GREB1L: variants seen among roughly 807,000 people sequenced by gnomAD.
GREB1L encodes GREB1 like retinoic acid receptor coactivator.
GREB1L carries 17 observed loss-of-function variants against 200.8 expected under a neutral mutation model. The ratio of observed to expected loss-of-function variants is 0.08; its 90% CI spans 0.06 to 0.13. GREB1L has a LOEUF of 0.13. GREB1L is among the 10% of genes least tolerant of loss of function. The pLI is 1.00. For synonymous variants in GREB1L, 789 were observed against 893.0 expected (o/e 0.88, Z 2.08); for missense variants, 1,657 against 2,367.7 (o/e 0.70, Z 6.23).
intron 17 of GREB1L, 88 bp from the exon 18 acceptor site, chr18:21,485,532 G>A: frequency 1.7e-6 from 2 of 1,201,394 alleles, no homozygotes; most frequent in Non-Finnish European, 2.3e-6. Context: ...ACCTCTTACA[G>A]CGGTCATTTC....
At chr18:21,297,896 C>A (rs2038555648) in intron 1 of GREB1L, among the ~76,000 whole-genome samples, 1 of 151,836 alleles carries the variant, frequency 6.6e-6, no homozygotes, top group South Asian at 2.1e-4. Context: ...CCCCCTAGTT[C>A]TTGGTGGGTG....
At chr18:21,435,246 C>CTCTG (rs2033461442) in intron 7 of GREB1L, among the ~76,000 whole-genome samples, 1 of 152,202 alleles carries the variant, frequency 6.6e-6, no homozygotes, top group Admixed American at 6.5e-5. Flanking sequence ...GCTTTATGTT[C>CTCTG]TCTGCCTTCC....
At chr18:21,498,477 G>C (rs529878192) in intron 21 of GREB1L, among the ~76,000 whole-genome samples, 16 of 152,212 alleles carry the variant, frequency 1.1e-4, no homozygotes, top group South Asian at 4.1e-4. Context: ...TTCACAGAAG[G>C]GGGGTGGGGG....
intron 1 of GREB1L, among the ~76,000 whole-genome samples, chr18:21,315,945 C>T (rs2038861343): frequency 6.6e-6 from 1 of 152,134 alleles, no homozygotes; most frequent in Non-Finnish European, 1.5e-5. Flanking sequence ...TGACCCGACC[C>T]TCCCCCCTGT....
chr18:21,390,360 C>A (rs1463256528), intron 4 of GREB1L, among the ~76,000 whole-genome samples: 1 of 151,802 alleles, frequency 6.6e-6, no homozygotes, highest in Non-Finnish European at 1.5e-5. Flanking sequence ...CAGAAGATGG[C>A]ATTATTATCA....
chr18:21,472,936 C>G, intron 15 of GREB1L, 95 bp from the exon 16 acceptor site: 1 of 770,254 alleles, frequency 1.3e-6, no homozygotes, highest in Non-Finnish European at 2.0e-6. Flanking sequence ...ACAGTTGGTA[C>G]CCAGTGTCAG....
intron 2 of GREB1L, among the ~76,000 whole-genome samples, chr18:21,381,232 A>G (rs1002842743): frequency 2.0e-5 from 3 of 150,832 alleles, no homozygotes; most frequent in Non-Finnish European, 4.4e-5. Flanking sequence ...ACAGAGCGAG[A>G]CTCCGTCTCA....
intron 12 of GREB1L, 106 bp downstream of exon 12, chr18:21,449,942 A>C (rs2034439053): frequency 1.1e-6 from 1 of 872,320 alleles, no homozygotes; most frequent in African/African-American, 1.7e-5. Flanking sequence ...TCAACCTCTG[A>C]TTAATTGCTG....
chr18:21,323,040 T>A (rs1192398416), intron 1 of GREB1L, among the ~76,000 whole-genome samples: 4 of 152,156 alleles, frequency 2.6e-5, no homozygotes, highest in Non-Finnish European at 5.9e-5. Context: ...ATCTCAGCAC[T>A]TTGGGAGGCC....
Position 21,490,988 on chromosome 18 carries a change from C to T in GREB1L, c.3030+637C>T, listed in dbSNP as rs1233834445. ...TGAGTCCCTCACTGCTCCCTCTGCA[C>T]GGCCAGTGATTGACTGCTTCTCCCC... On this transcript the variant is annotated intron_variant, in intron 19 of 32. Transcript: ENST00000424526. 5.9e-5 allele frequency among the ~76,000 whole-genome samples: 9 copies of T among 152,296 alleles called. No individual in the cohort carries two copies. The East Asian group carries it at 1.2e-3, about 20-fold the overall frequency.
intron 1 of GREB1L, among the ~76,000 whole-genome samples, chr18:21,282,053 ACTCGAGC>A (rs1475495984): frequency 6.6e-6 from 1 of 152,070 alleles, no homozygotes; most frequent in African/African-American, 2.4e-5. Context: ...CAGGAGGATC[ACTCGAGC>A]CTAAGAATTT....
chr18:21,514,524 AAAAT>A (rs1339252346), intron 28 of GREB1L, among the ~76,000 whole-genome samples: 3 of 152,198 alleles, frequency 2.0e-5, no homozygotes, highest in African/African-American at 7.2e-5. Flanking sequence ...CAAAAAAACA[AAAAT>A]AAAGTCTGTT....
At chr18:21,245,971 C>T (rs1192108688) in intron 1 of GREB1L, among the ~76,000 whole-genome samples, 1 of 152,240 alleles carries the variant, frequency 6.6e-6, no homozygotes, top group Admixed American at 6.5e-5. Context: ...ATCTGCCCGC[C>T]TCAGCCTCCC....
In GREB1L at chr18:21,525,068, A is replaced by T. The variant is rs1170740159; in HGVS notation, c.*2247A>T. 1 of 150,746 alleles carries T rather than the reference A, an allele frequency of 6.6e-6. No individual in the cohort carries two copies. The highest frequency in any genetic ancestry group is 1.5e-5 in the Non-Finnish European group (1 of 67,760). The allele number at this position is 150,746 out of a possible 1,614,324, so 9.3% of individuals were successfully genotyped here. ...TTTAAGCTTTGCAATCCCTTAGGAC[A>T]CTGATGTGGGATGAATGGATTCGCT... On this transcript the variant is annotated 3_prime_UTR_variant, in exon 33 of 33. Transcript: ENST00000424526.
intron 1 of GREB1L, among the ~76,000 whole-genome samples, chr18:21,346,741 A>G (rs2039351442): frequency 6.6e-6 from 1 of 152,212 alleles, no homozygotes; most frequent in Non-Finnish European, 1.5e-5. Flanking sequence ...CAAGACTGAT[A>G]AAGCATCTCT....
chr18:21,358,461 G>A (rs1208120299), intron 1 of GREB1L, among the ~76,000 whole-genome samples: 4 of 152,192 alleles, frequency 2.6e-5, no homozygotes, highest in Admixed American at 1.3e-4. Context: ...GACTACAGGC[G>A]CCTGCCACCA....
Position 21,272,431 on chromosome 18 carries a change from A to C in GREB1L, c.-120+30038A>C, listed in dbSNP as rs143564109. 1.6e-3 allele frequency among the ~76,000 whole-genome samples: 240 copies of C among 152,342 alleles called. 3 individuals carry two copies. Among genetic ancestry groups the C allele is most frequent in the African/African-American group, 5.6e-3 (233 of 41,586 alleles). ...GCCTCTGCCACACTGCAGTTGAGTG[A>C]AATCTAGTTGTCACTGAAGACAGCT... On this transcript the variant is annotated intron_variant, in intron 1 of 32. Transcript: ENST00000424526.
chr18:21,269,605 A>G (rs1388350224), intron 1 of GREB1L, among the ~76,000 whole-genome samples: 3 of 152,230 alleles, frequency 2.0e-5, no homozygotes, highest in East Asian at 1.9e-4. Flanking sequence ...AAAACAAGAC[A>G]TGAGAGTCAG....
At chr18:21,516,877 G>GTTTTT (rs11413472) in intron 30 of GREB1L, 123 bp downstream of exon 30, 160 of 494,934 alleles carry the variant, frequency 3.2e-4, no homozygotes, top group Non-Finnish European at 4.1e-4. Flanking sequence ...ACACAAGGGA[G>GTTTTT]TTTTTTTTTT....
Sources: gnomAD v4.1 joint callset for allele counts (sites outside exome capture counted in the v4.1 genomes callset) on GRCh38, gnomAD v4.1.1 for gene constraint, MANE v1.5 for transcripts, NCBI Gene and HGNC (gene_info 2026-07-23, HGNC 2026-07-21) for gene names.